CALCOCO2: variants seen among roughly 807,000 people sequenced by gnomAD.
CALCOCO2 encodes calcium binding and coiled-coil domain 2, also known as calcium-binding and coiled-coil domain-containing protein 2.
Under a neutral mutation model 62.5 loss-of-function variants are expected in CALCOCO2, and 42 were observed. The ratio of observed to expected loss-of-function variants is 0.67; its 90% CI spans 0.53 to 0.87. The LOEUF (loss-of-function observed/expected upper bound fraction) is 0.87. CALCOCO2 is among the 40% of genes least tolerant of loss of function. The pLI is 0.00. For missense variants in CALCOCO2, 456 were observed against 515.0 expected, an observed-to-expected ratio of 0.89 and a Z score of 1.11; for synonymous variants, 167 against 173.0, an observed-to-expected ratio of 0.97 and a Z score of 0.27.
Position 48,848,142 on chromosome 17 carries a change from A to T in CALCOCO2, c.259A>T (p.Lys87Ter). ...CATTGACCTAAACAACAAATCAGCT[A>T]AACAGCAGGAAGTCCAATTCAAAGG... ...LPIDLNNKSA[K>*]QQEVQFKAYY... is the part of the protein sequence containing the mutation. The change falls in exon 3 of 13, where the codon AAA (lysine) becomes TAA (stop). Residue 87 changes from lysine (K) to a stop codon, truncating the protein, a stop_gained. Coordinates refer to ENST00000258947, the MANE Select transcript of CALCOCO2 (RefSeq NM_005831.5). LOFTEE classifies it high-confidence loss of function. The T allele has an allele frequency of 6.2e-7, 1 of 1,612,244 alleles. No homozygotes were observed. The highest frequency in any genetic ancestry group is 1.7e-5 in the Admixed American group (1 of 60,002).
At chr17:48,857,340 G>A (rs1014660985) in intron 10 of CALCOCO2, among the ~76,000 whole-genome samples, 1 of 151,318 alleles carries the variant, frequency 6.6e-6, no homozygotes, top group African/African-American at 2.4e-5. Context: ...TGGGATTACA[G>A]GCAATTGCCA....
In CALCOCO2 at chr17:48,851,626, C is replaced by T. The variant is rs772536027; in HGVS notation, c.700C>T (p.Gln234Ter). Residue 234 changes from glutamine to a stop codon, truncating the protein, a stop_gained and splice_region_variant, in exon 7 of 13, where the codon CAG becomes TAG. Transcript: ENST00000258947. LOFTEE classifies it high-confidence loss of function. The part of the protein sequence containing the change: ...EKMGIRVDQL[Q>*]AQLSTQEKEM... ...GATGGGAATCAGAGTGGATCAGCTT[C>T]AGGTAGGTAATGCCATATGTTTGTC... The T allele has an allele frequency of 6.4e-7, 1 of 1,566,016 alleles. No homozygotes were observed. Among genetic ancestry groups the T allele is most frequent in the South Asian group, 1.1e-5 (1 of 90,088 alleles).
Position 48,854,461 on chromosome 17 carries a change from G to T in CALCOCO2, c.912+1449G>T, listed in dbSNP as rs189589417. 4.7e-4 allele frequency among the ~76,000 whole-genome samples: 50 copies of T among 107,016 alleles called. 1 individual carries two copies. The East Asian group carries it at 0.016, about 34-fold the overall frequency. The allele number at this position is 107,016 out of a possible 152,430, so 70.2% of individuals were successfully genotyped here. A position where few individuals can be genotyped will look rare whatever the true frequency, so the allele number is the denominator to read the frequency against. ...TGCTCTGTCACCCAGGTTGGAGTGC[G>T]CTGACCTGATCTCAGCTCACTGCGA... is the stretch of plus-strand genomic sequence containing the variant. On this transcript the variant is annotated intron_variant, in intron 9 of 12. Transcript: ENST00000258947.
rs537964891 is a variant in CALCOCO2, at chr17:48,832,393, C to CA, written c.-11+1321dup. On this transcript the variant is annotated intron_variant, in intron 1 of 12. Transcript: ENST00000258947. ...TGGGCAACAGAGTGAGACTCCGTCT[C>CA]AAAAAACAAACAAACAAAAATTTAA... is the stretch of plus-strand genomic sequence containing the variant. Among the ~76,000 whole-genome samples the CA allele has an allele frequency of 3.1e-3, 465 of 152,220 alleles. 4 individuals carry two copies. The highest frequency in any genetic ancestry group is 0.011 in the African/African-American group (449 of 41,530).
At chr17:48,846,166 T>A in intron 2 of CALCOCO2, 6 of 785,194 alleles carry the variant, frequency 7.6e-6, no homozygotes, top group Non-Finnish European at 9.8e-6. Flanking sequence ...AGACAGAGTC[T>A]TGCTCTGTCA....
chr17:48,846,108 G>A (rs899832863), intron 2 of CALCOCO2: 10 of 1,205,044 alleles, frequency 8.3e-6, no homozygotes, highest in Admixed American at 2.5e-5. Context: ...TAGGTACTCA[G>A]TAACTCTTTT....
intron 2 of CALCOCO2, among the ~76,000 whole-genome samples, chr17:48,844,301 ATTAC>A (rs1204114995): frequency 6.6e-6 from 1 of 152,046 alleles, no homozygotes; most frequent in Non-Finnish European, 1.5e-5. Context: ...TGATTCAAAA[ATTAC>A]TTACCAGACT....
chr17:48,862,125 GA>G (rs1377536321), intron 11 of CALCOCO2, 150 bp from the exon 12 acceptor site: 1 of 699,316 alleles, frequency 1.4e-6, no homozygotes, highest in Non-Finnish European at 2.6e-6. Context: ...CCCTCTATCA[GA>G]AGTAACGGTA....
chr17:48,855,860 A>G, intron 9 of CALCOCO2: 1 of 258,230 alleles, frequency 3.9e-6, no homozygotes, highest in East Asian at 6.3e-5. Flanking sequence ...CCCTCAGCTA[A>G]ACCAAAAAAA....
intron 9 of CALCOCO2, 192 bp from the exon 10 acceptor site, chr17:48,855,900 G>A: frequency 3.1e-6 from 1 of 318,800 alleles, no homozygotes; most frequent in Non-Finnish European, 5.7e-6. Flanking sequence ...CTTGATGCCA[G>A]CTCAGGCCTT....
At chr17:48,841,280 A>T (rs1287884217) in intron 1 of CALCOCO2, among the ~76,000 whole-genome samples, 2 of 152,200 alleles carry the variant, frequency 1.3e-5, no homozygotes, top group Admixed American at 6.5e-5. Flanking sequence ...AATGGGATTG[A>T]ATATAGAAGA....
At chr17:48,854,396 A>ATTTT (rs1226127478) in intron 9 of CALCOCO2, among the ~76,000 whole-genome samples, 7 of 1,914 alleles carry the variant, frequency 3.7e-3, no homozygotes, top group African/African-American at 5.8e-3. Context: ...ATATATATAT[A>ATTTT]TTTTTTTTTT....
At position 48,849,374 on chromosome 17, in the gene CALCOCO2, G is replaced by A. The variant is rs2040095796; in HGVS notation, c.540G>A (p.Lys180=). Residue 180 remains lysine (K), a synonymous_variant, in exon 5 of 13, where the codon AAG becomes AAA. Transcript: ENST00000258947. ...NSDMQAELQK[K]QEELETLQSI... is the part of the protein sequence containing the mutation. ...ACATGCAGGCTGAGCTCCAAAAGAA[G>A]CAGGTATGGCTGCTGGTTATAGGTG... is the stretch of plus-strand genomic sequence containing the variant. The A allele has an allele frequency of 6.2e-7, 1 of 1,612,984 alleles. No homozygotes were observed. The highest frequency in any genetic ancestry group is 8.5e-7 in the Non-Finnish European group (1 of 1,179,706).
At chr17:48,835,971 G>T (rs1479614592) in intron 1 of CALCOCO2, among the ~76,000 whole-genome samples, 1 of 151,996 alleles carries the variant, frequency 6.6e-6, no homozygotes, top group African/African-American at 2.4e-5. Flanking sequence ...GGCTGGCCTC[G>T]AACTCCTTAC....
intron 2 of CALCOCO2, chr17:48,847,844 G>C: frequency 2.5e-6 from 1 of 397,432 alleles, no homozygotes; most frequent in Admixed American, 4.3e-5. Context: ...TAATGGAGAC[G>C]GGTTTTCACC....
intron 7 of CALCOCO2, chr17:48,852,191 T>C (rs749573784): frequency 4.5e-5 from 10 of 221,946 alleles, no homozygotes; most frequent in Non-Finnish European, 8.1e-5. Context: ...GATTTGTTCA[T>C]GTATTACTAA....
intron 11 of CALCOCO2, among the ~76,000 whole-genome samples, chr17:48,862,071 T>A (rs1388951634): frequency 1.3e-5 from 2 of 151,888 alleles, no homozygotes; most frequent in Non-Finnish European, 2.9e-5. Flanking sequence ...AAAATACGAT[T>A]TCATTATTTA....
intron 1 of CALCOCO2, among the ~76,000 whole-genome samples, chr17:48,839,153 A>C (rs1290430598): frequency 1.4e-5 from 2 of 145,800 alleles, no homozygotes; most frequent in Non-Finnish European, 1.5e-5. Context: ...GACTACAGGC[A>C]CCCGCCACCA....
intron 9 of CALCOCO2, among the ~76,000 whole-genome samples, chr17:48,855,370 A>G (rs2040200732): frequency 6.6e-6 from 1 of 152,170 alleles, no homozygotes; most frequent in Admixed American, 6.5e-5. Context: ...TGGCATTACT[A>G]CCTCAGGGTC....
Sources: allele counts gnomAD v4.1 joint callset (sites outside exome capture counted in the v4.1 genomes callset), GRCh38; gene constraint gnomAD v4.1.1; transcripts MANE v1.5; gene names NCBI Gene and HGNC (gene_info 2026-07-23, HGNC 2026-07-21).